The following CALCB variants were observed in gnomAD, a reference collection of about 807,000 sequenced individuals.
CALCB encodes the protein calcitonin related polypeptide beta.
A neutral mutation model predicts 10.7 loss-of-function variants in CALCB; 8 were observed. The ratio of observed to expected loss-of-function variants is 0.75; its 90% CI spans 0.44 to 1.34. CALCB has a LOEUF of 1.34. CALCB is among the 40% of genes most tolerant of loss of function. CALCB has a pLI of 0.01. For missense variants in CALCB, 176 were observed against 162.5 expected (o/e 1.08, Z -0.45); for synonymous variants, 76 against 66.9 (o/e 1.14, Z -0.66).
chr11:15,074,558 T>C (rs1022173146), intron 1 of CALCB, among the ~76,000 whole-genome samples, 152 bp from the exon 2 acceptor site: 4 of 152,160 alleles, frequency 2.6e-5, no homozygotes, highest in African/African-American at 7.2e-5. Flanking sequence ...ATGTGTCTCT[T>C]GAGATTCACA....
In CALCB at chr11:15,078,604, G is replaced by C. The variant is rs546580146; in HGVS notation, c.*547G>C. The C allele has an allele frequency of 1.3e-5, 2 of 152,300 alleles. No individual in the cohort carries two copies. Among genetic ancestry groups the C allele is most frequent in the South Asian group, 4.1e-4 (2 of 4,824 alleles). The allele number at this position is 152,300 out of a possible 1,614,324, so 9.4% of individuals were successfully genotyped here. On this transcript the variant is annotated 3_prime_UTR_variant, in exon 5 of 5. Coordinates refer to ENST00000324229, the MANE Select transcript of CALCB (RefSeq NM_000728.4). ...CTTATGTAATAATAATGATGATGAT[G>C]ATGATAATAATAAATATTTTTGAGT...
chr11:15,075,453 T>C (rs1230606120), intron 3 of CALCB, among the ~76,000 whole-genome samples: 1 of 152,084 alleles, frequency 6.6e-6, no homozygotes, highest in African/African-American at 2.4e-5. Context: ...TTTCTAGACA[T>C]AGAAAAAACT....
In CALCB at chr11:15,074,692, G is replaced by A. The variant is rs1001276587; in HGVS notation, c.-9-18G>A. On this transcript the variant is annotated intron_variant, in intron 1 of 4. Transcript: ENST00000324229. ...AGATCTGTGCTGGTGCAGTAGTAAC[G>A]TCATCCTTCCTTTACAGAGAGGCGG... The A allele has an allele frequency of 6.3e-6, 10 of 1,596,954 alleles. No individual in the cohort carries two copies. The highest frequency in any genetic ancestry group is 8.6e-6 in the Non-Finnish European group (10 of 1,165,894).
rs1273177759 is a variant in CALCB, at chr11:15,074,742, C to T, written c.24C>T (p.Pro8=). The part of the protein sequence containing the change: MGFRKFS[P]FLALSILVLY... ...GCATGGGTTTCCGGAAGTTCTCCCC[C>T]TTCCTGGCTCTCAGTATCTTGGTCC... is the stretch of plus-strand genomic sequence containing the variant. Residue 8 remains proline, a synonymous_variant, in exon 2 of 5, where the codon CCC becomes CCT. Transcript: ENST00000324229. The T allele has an allele frequency of 6.2e-7, 1 of 1,614,176 alleles. No individual in the cohort carries two copies.
At chr11:15,077,233 C>A (rs1850403491) in intron 3 of CALCB, 53 bp from the exon 4 acceptor site, 3 of 1,595,048 alleles carry the variant, frequency 1.9e-6, no homozygotes, top group Non-Finnish European at 2.6e-6. Flanking sequence ...GAAGGCTCCT[C>A]CCCCAGCTTT....
chr11:15,075,174 A>G lies in CALCB; in HGVS notation c.200A>G (p.Gln67Arg). 1 of 1,614,202 alleles carries G rather than the reference A, an allele frequency of 6.2e-7. No individual in the cohort carries two copies. The highest frequency in any genetic ancestry group is 8.5e-7 in the Non-Finnish European group (1 of 1,180,028). Residue 67 changes from glutamine to arginine, a missense_variant, in exon 3 of 5, where the codon CAG becomes CGG. Gln to Arg is a conservative substitution (Grantham distance 43). Coordinates refer to ENST00000324229, the MANE Select transcript of CALCB (RefSeq NM_000728.4). ...CAGATGAAGGCCAGTGAGCTGAAGC[A>G]GGAGCAGGAGACACAGGGCTCCAGG... ...YVQMKASELKQEQETQGSSSA... is the reference protein window; with the variant it reads ...YVQMKASELKREQETQGSSSA...
Position 15,077,471 on chromosome 11 carries a change from G to A in CALCB, c.*25+1G>A. The A allele has an allele frequency of 1.9e-6, 3 of 1,613,454 alleles. No homozygotes were observed. The highest frequency in any genetic ancestry group is 2.2e-5 in the East Asian group (1 of 44,870). On this transcript the variant is annotated splice_donor_variant, in intron 4 of 4. Transcript: ENST00000324229. LOFTEE classifies it low-confidence loss of function (3UTR_SPLICE). The stretch of plus-strand genomic sequence containing the variant: ...GCAGATGAATGACTCCAGGAAGAAG[G>A]TAACTACCCTAATGCTATGGGATAA...
chr11:15,074,638 CA>C, intron 1 of CALCB, 71 bp from the exon 2 acceptor site: 1 of 1,156,220 alleles, frequency 8.6e-7, no homozygotes, highest in Non-Finnish European at 1.3e-6. Context: ...GGTCACATGG[CA>C]GTTGTGGCAG....
chr11:15,074,408 G>A (rs1379542958), intron 1 of CALCB, among the ~76,000 whole-genome samples: 2 of 152,340 alleles, frequency 1.3e-5, no homozygotes, highest in East Asian at 3.9e-4. Flanking sequence ...CATAAATCAG[G>A]GCAGAAGTGT....
Position 15,074,761 on chromosome 11 carries a change from T to C in CALCB, c.43T>C (p.Leu15=). ...CTCCCCCTTCCTGGCTCTCAGTATC[T>C]TGGTCCTGTACCAGGCGGGCAGCCT... The part of the protein sequence containing the change: ...KFSPFLALSI[L]VLYQAGSLQA... Residue 15 remains leucine (L), a synonymous_variant, in exon 2 of 5, where the codon TTG becomes CTG. Transcript: ENST00000324229. The C allele has an allele frequency of 6.2e-7, 1 of 1,614,140 alleles. No homozygotes were observed. The highest frequency in any genetic ancestry group is 8.5e-7 in the Non-Finnish European group (1 of 1,180,004).
intron 2 of CALCB, 105 bp from the exon 3 acceptor site, chr11:15,074,956 C>T (rs1372194107): frequency 1.3e-6 from 2 of 1,485,026 alleles, no homozygotes; most frequent in South Asian, 2.3e-5. Flanking sequence ...TCGCGGTGGC[C>T]ACATCCCCAG....
chr11:15,075,417 C>T (rs1850385174), intron 3 of CALCB, among the ~76,000 whole-genome samples: 1 of 152,176 alleles, frequency 6.6e-6, no homozygotes, highest in Admixed American at 6.5e-5. Context: ...TTTCTGAAAG[C>T]TGTTAGAACA....
intron 3 of CALCB, 115 bp from the exon 4 acceptor site, chr11:15,077,171 C>A: frequency 8.7e-7 from 1 of 1,149,728 alleles, no homozygotes; most frequent in Non-Finnish European, 1.2e-6. Context: ...ATTGCATTTT[C>A]GAGAAACACT....
Position 15,077,359 on chromosome 11 carries a change from T to C in CALCB, c.298T>C (p.Ser100Pro). 1.9e-6 allele frequency: 3 copies of C among 1,614,182 alleles called. No homozygotes were observed. Among genetic ancestry groups the C allele is most frequent in the Non-Finnish European group, 2.5e-6 (3 of 1,180,040 alleles). ...TCGGCTGGCAGGCTTGCTGAGCAGATCAGGGGGCATGGTGAAGAGCAACTT... is the reference window on the plus strand; with the variant it reads ...TCGGCTGGCAGGCTTGCTGAGCAGACCAGGGGGCATGGTGAAGAGCAACTT... ...THRLAGLLSR[S>P]GGMVKSNFVP... is the part of the protein sequence containing the mutation. Residue 100 changes from serine to proline, a missense_variant, in exon 4 of 5, where the codon TCA becomes CCA. Ser to Pro is a moderately conservative substitution (Grantham distance 74, BLOSUM62 -1). Coordinates refer to ENST00000324229, the MANE Select transcript of CALCB (RefSeq NM_000728.4).
chr11:15,075,085 C>G lies in CALCB; in HGVS notation c.111C>G (p.Asp37Glu), dbSNP rs934096451. ...GGTCTGCCCTGGAGAGCAGCCCAGA[C>G]CCGGCCACACTCAGTAAAGAGGACG... ...PFRSALESSP[D>E]PATLSKEDAR... is the part of the protein sequence containing the mutation. The change falls in exon 3 of 5, where the codon GAC becomes GAG. Residue 37 changes from aspartate to glutamate, a missense_variant. Physicochemically the swap from Asp to Glu is conservative, Grantham distance 45. Coordinates refer to ENST00000324229, the MANE Select transcript of CALCB (RefSeq NM_000728.4). 1.5e-5 allele frequency: 24 copies of G among 1,614,106 alleles called. No homozygotes were observed. Among genetic ancestry groups the G allele is most frequent in the Middle Eastern group, 3.3e-4 (2 of 6,084 alleles).
At chr11:15,074,934 G>T in intron 2 of CALCB, 127 bp from the exon 3 acceptor site, 4 of 1,409,428 alleles carry the variant, frequency 2.8e-6, no homozygotes, top group Non-Finnish European at 4.0e-6. Flanking sequence ...CCTCATGCCC[G>T]TCCCCTGGGA....
chr11:15,074,717 G>A lies in CALCB; in HGVS notation c.-2G>A. On this transcript the variant is annotated 5_prime_UTR_variant, in exon 2 of 5. Coordinates refer to ENST00000324229, the MANE Select transcript of CALCB (RefSeq NM_000728.4). ...GTCATCCTTCCTTTACAGAGAGGCG[G>A]CATGGGTTTCCGGAAGTTCTCCCCC... The A allele has an allele frequency of 6.2e-7, 1 of 1,613,206 alleles. No homozygotes were observed. The highest frequency in any genetic ancestry group is 8.5e-7 in the Non-Finnish European group (1 of 1,179,258).
chr11:15,077,111 C>A (rs1413478519), intron 3 of CALCB, among the ~76,000 whole-genome samples, 175 bp from the exon 4 acceptor site: 2 of 152,156 alleles, frequency 1.3e-5, no homozygotes, highest in East Asian at 3.9e-4. Context: ...GGTCTTTGGG[C>A]AGAGCTCCTG....
chr11:15,075,055 C>T lies in CALCB; in HGVS notation c.87-6C>T, dbSNP rs1191827493. 6.2e-7 allele frequency: 1 copy of T among 1,614,232 alleles called. No homozygotes were observed. The highest frequency in any genetic ancestry group is 1.1e-5 in the South Asian group (1 of 91,092). ...AGCCTGCAAGGAGTTTGCTTCCCTTCCACAGGTCTGCCCTGGAGAGCAGCC... is the reference window on the plus strand; with the variant it reads ...AGCCTGCAAGGAGTTTGCTTCCCTTTCACAGGTCTGCCCTGGAGAGCAGCC... On this transcript the variant is annotated splice_region_variant and splice_polypyrimidine_tract_variant and intron_variant, in intron 2 of 4. Transcript: ENST00000324229.
Sources: allele counts gnomAD v4.1 joint callset (sites outside exome capture counted in the v4.1 genomes callset), GRCh38; gene constraint gnomAD v4.1.1; transcripts MANE v1.5; gene names NCBI Gene and HGNC (gene_info 2026-07-23, HGNC 2026-07-21).